LOC400499: variants seen among roughly 807,000 people sequenced by gnomAD.
At chr16:11,507,353 T>C in the LOC400499 span, among the ~76,000 whole-genome samples, 1 of 152,010 alleles carries the variant, frequency 6.6e-6, no homozygotes, top group East Asian at 1.9e-4. Context: ...ACATTGCACG[T>C]GACAGCCTCC....
the LOC400499 span, among the ~76,000 whole-genome samples, chr16:11,453,041 C>A: frequency 6.6e-6 from 1 of 152,076 alleles, no homozygotes; most frequent in African/African-American, 2.4e-5. Flanking sequence ...TCCTGGGATC[C>A]TTTTTACGGC....
chr16:11,407,435 G>A, the LOC400499 span: 5 of 395,900 alleles, frequency 1.3e-5, no homozygotes, highest in African/African-American at 1.0e-4. Flanking sequence ...TAGGCCGAGG[G>A]CTCTGCCTCC....
At chr16:11,396,384 C>T in the LOC400499 span, 24 of 901,762 alleles carry the variant, frequency 2.7e-5, no homozygotes, top group South Asian at 1.2e-3. Context: ...TGCTGGTTTG[C>T]AGTTCCTCAG....
At chr16:11,406,608 T>A in the LOC400499 span, among the ~76,000 whole-genome samples, 1 of 152,216 alleles carries the variant, frequency 6.6e-6, no homozygotes, top group African/African-American at 2.4e-5. Context: ...AATTCCATAT[T>A]TTTAGTAGAG....
the LOC400499 span, among the ~76,000 whole-genome samples, chr16:11,412,435 C>A: frequency 6.6e-6 from 1 of 152,226 alleles, no homozygotes; most frequent in Non-Finnish European, 1.5e-5. Flanking sequence ...AACCACTGGT[C>A]TACCCCTTCA....
the LOC400499 span, among the ~76,000 whole-genome samples, chr16:11,474,119 G>C: frequency 6.6e-6 from 1 of 152,058 alleles, no homozygotes; most frequent in Non-Finnish European, 1.5e-5. Context: ...TCGGCCTCCC[G>C]AAGTGTGGGG....
At chr16:11,436,455 C>T in the LOC400499 span, among the ~76,000 whole-genome samples, 2 of 152,154 alleles carry the variant, frequency 1.3e-5, no homozygotes, top group Non-Finnish European at 2.9e-5. Context: ...AGGTCCAAGG[C>T]TCCACCAGCT....
At chr16:11,425,028 T>C in the LOC400499 span, 1 of 397,694 alleles carries the variant, frequency 2.5e-6, no homozygotes, top group Non-Finnish European at 4.4e-6. Flanking sequence ...AGCTGGAATG[T>C]GAATTTGGGG....
the LOC400499 span, among the ~76,000 whole-genome samples, chr16:11,448,567 C>T: frequency 1.5e-4 from 1 of 6,882 alleles, no homozygotes. Flanking sequence ...AACAAACAAA[C>T]GTCAGTGATG....
At chr16:11,484,332 G>C in the LOC400499 span, among the ~76,000 whole-genome samples, 1 of 152,108 alleles carries the variant, frequency 6.6e-6, no homozygotes, top group African/African-American at 2.4e-5. Flanking sequence ...TAAGGATCTG[G>C]AAGAGACTTT....
chr16:11,461,364 C>T, the LOC400499 span, among the ~76,000 whole-genome samples: 23 of 152,280 alleles, frequency 1.5e-4, no homozygotes, highest in Non-Finnish European at 2.5e-4. Flanking sequence ...GAACTACAGA[C>T]GTGTGCCACC....
the LOC400499 span, chr16:11,391,549 G>A: frequency 6.8e-6 from 6 of 878,600 alleles, no homozygotes; most frequent in Middle Eastern, 3.9e-4. Context: ...CATGGGAAGC[G>A]AGGCCACATT....
chr16:11,423,342 C>G, the LOC400499 span: 4 of 398,818 alleles, frequency 1.0e-5, no homozygotes, highest in Non-Finnish European at 1.8e-5. Flanking sequence ...CCACTTGACC[C>G]CGCCACCCTT....
the LOC400499 span, chr16:11,439,446 G>C: frequency 2.5e-6 from 1 of 398,874 alleles, no homozygotes; most frequent in East Asian, 3.6e-5. Context: ...GACAACCCTT[G>C]GCAGGCGAGT....
the LOC400499 span, chr16:11,460,667 G>GGCT: frequency 6.8e-7 from 1 of 1,472,532 alleles, no homozygotes; most frequent in Non-Finnish European, 9.0e-7. Context: ...CCTCCACCAG[G>GGCT]GCTCCAAGAG....
the LOC400499 span, chr16:11,460,947 G>C: frequency 6.6e-7 from 1 of 1,516,354 alleles, no homozygotes; most frequent in Non-Finnish European, 8.8e-7. Flanking sequence ...CCCGCAACCA[G>C]GCACGCAGTG....
At chr16:11,406,431 T>G in the LOC400499 span, among the ~76,000 whole-genome samples, 23 of 152,262 alleles carry the variant, frequency 1.5e-4, no homozygotes, top group South Asian at 4.8e-3. Flanking sequence ...AGAGATTTCT[T>G]TTTTCTTTTC....
chr16:11,503,337 G>A, the LOC400499 span, among the ~76,000 whole-genome samples: 1 of 152,170 alleles, frequency 6.6e-6, no homozygotes, highest in African/African-American at 2.4e-5. Context: ...TCTACTCAGA[G>A]AACAGCCCCT....
the LOC400499 span, chr16:11,471,907 A>C: frequency 2.5e-6 from 1 of 398,402 alleles, no homozygotes; most frequent in Non-Finnish European, 4.4e-6. Context: ...TCAGCAAAGA[A>C]ACCTCTTCTC....
Sources: allele counts gnomAD v4.1 joint callset (sites outside exome capture counted in the v4.1 genomes callset), GRCh38; gene constraint gnomAD v4.1.1; transcripts MANE v1.5.